The following NUP85 variants were observed in gnomAD, a reference collection of about 807,000 sequenced individuals.
NUP85 encodes nuclear pore complex protein Nup85.
NUP85 carries 23 observed loss-of-function variants against 92.8 expected under a neutral mutation model. The observed-to-expected ratio is 0.25, with a 90% CI of 0.18 to 0.35. The LOEUF (loss-of-function observed/expected upper bound fraction) is 0.35. Among genes scored for constraint, NUP85 ranks in the 10% least tolerant of loss-of-function variants. The pLI, the probability that NUP85 is intolerant of heterozygous loss-of-function variation, is 1.00. For missense variants in NUP85, 759 were observed against 822.8 expected, an observed-to-expected ratio of 0.92 and a Z score of 0.95; for synonymous variants, 314 against 306.9, an observed-to-expected ratio of 1.02 and a Z score of -0.24.
rs749732500 is a variant in NUP85 at position 75,205,782 on chromosome 17, G to A, written c.21G>A (p.Glu7=). 14 of 1,614,080 alleles carry A rather than the reference G, an allele frequency of 8.7e-6. No homozygotes were observed. The highest frequency in any genetic ancestry group is 4.0e-5 in the African/African-American group (3 of 74,938). Reference sequence around the variant, plus strand: ...GCGCTATGGAGGAGCTCGATGGCGAGCCAACAGTCACTGTAAGGGTACCCC... The same window carrying A: ...GCGCTATGGAGGAGCTCGATGGCGAACCAACAGTCACTGTAAGGGTACCCC... MEELDG[E]PTVTLIPGVN... The change falls in exon 1 of 19, where the codon GAG becomes GAA. Residue 7 remains glutamate (E), a synonymous_variant. Coordinates refer to ENST00000245544, the MANE Select transcript of NUP85 (RefSeq NM_024844.5).
At chr17:75,233,437 C>CTTTTTTTTTTTT (rs60396796) in intron 16 of NUP85, among the ~76,000 whole-genome samples, 1 of 117,186 alleles carries the variant, frequency 8.5e-6, no homozygotes, top group Non-Finnish European at 1.7e-5. Flanking sequence ...TTTATTTTTT[C>CTTTTTTTTTTTT]TTTTTTTTTT....
intron 1 of NUP85, among the ~76,000 whole-genome samples, chr17:75,207,220 G>T (rs2075111991): frequency 6.6e-6 from 1 of 150,868 alleles, no homozygotes; most frequent in Admixed American, 6.6e-5. Context: ...TTTCCCTCTT[G>T]TCGCCCAGGC....
At chr17:75,227,326 GTTTTTTTTTTTTTTTT>G (rs71159460) in intron 11 of NUP85, among the ~76,000 whole-genome samples, 1 of 114,152 alleles carries the variant, frequency 8.8e-6, no homozygotes, top group Non-Finnish European at 1.7e-5. Flanking sequence ...TTGTTTCTGG[GTTTTTTTTTTTTTTTT>G]TTTTTTTTTT....
chr17:75,227,373 T>G (rs2075852890), intron 11 of NUP85, among the ~76,000 whole-genome samples: 4 of 139,954 alleles, frequency 2.9e-5, no homozygotes, highest in Admixed American at 7.8e-5. Context: ...TTTGCTCTTG[T>G]CACCCAGACT....
chr17:75,210,922 C>T (rs749704265), intron 3 of NUP85, among the ~76,000 whole-genome samples: 263 of 151,158 alleles, frequency 1.7e-3, no homozygotes, highest in Non-Finnish European at 3.0e-3. Flanking sequence ...AGGATGGTCT[C>T]GATCTCGTGA....
intron 7 of NUP85, among the ~76,000 whole-genome samples, chr17:75,222,133 G>A (rs1052139888): frequency 2.6e-5 from 4 of 151,846 alleles, no homozygotes; most frequent in Admixed American, 1.3e-4. Context: ...AGCCTTGACC[G>A]CCTAAGCTCA....
In NUP85 at chr17:75,208,802, G is replaced by A. The variant is rs544079262; in HGVS notation, c.127+182G>A. Among the ~76,000 whole-genome samples the A allele has an allele frequency of 2.9e-4, 44 of 152,204 alleles. No individual in the cohort carries two copies. In the South Asian group the frequency reaches 6.6e-3, roughly 23 times the overall value. On this transcript the variant is annotated intron_variant, in intron 2 of 18. Coordinates refer to ENST00000245544, the MANE Select transcript of NUP85 (RefSeq NM_024844.5). ...GTTGTGTCACCTGGGCTGGAGTACA[G>A]TGTGATCATGGCTCACTGCAGCCTC...
In NUP85 at chr17:75,232,804, T is replaced by G. The variant is rs779409141; in HGVS notation, c.1397-47T>G. ...GTCCCCACAGGGCTCAGGAATGGAG[T>G]GATTTGTGGAGTGAAAGCCGTTTAC... On this transcript the variant is annotated intron_variant, in intron 14 of 18. Coordinates refer to ENST00000245544, the MANE Select transcript of NUP85 (RefSeq NM_024844.5). 2.6e-6 allele frequency: 4 copies of G among 1,540,534 alleles called. No individual in the cohort carries two copies. In the African/African-American group the frequency reaches 5.5e-5, roughly 21 times the overall value.
In NUP85 at chr17:75,231,100, T is replaced by G; in HGVS notation, c.1095-240T>G. 2.1e-6 allele frequency: 1 copy of G among 475,316 alleles called. No individual in the cohort carries two copies. The highest frequency in any genetic ancestry group is 3.9e-6 in the Non-Finnish European group (1 of 257,672). The allele number at this position is 475,316 out of a possible 1,614,324, so 29.4% of individuals were successfully genotyped here. A position where few individuals can be genotyped will look rare whatever the true frequency, so the allele number is the denominator to read the frequency against. On this transcript the variant is annotated intron_variant, in intron 11 of 18. Coordinates refer to ENST00000245544, the MANE Select transcript of NUP85 (RefSeq NM_024844.5). This position sits in a 1 kb window ranked among gnomAD's most constrained non-coding sequence, Gnocchi z 4.6. The stretch of plus-strand genomic sequence containing the variant: ...GTGTGTGCCACCATGCCTGGCTAAT[T>G]TTTGTATTTGTAGAGATGGGGTTTT...
Position 75,225,157 on chromosome 17 carries a change from A to T in NUP85, c.652A>T (p.Lys218Ter). The part of the protein sequence containing the change: ...RLDEARQMLS[K>*]EADASPASAG... ...GGATGAGGCCCGACAGATGCTCTCCAAGGAAGCCGATGCCAGCCCCGCCTC... is the reference window on the plus strand; with the variant it reads ...GGATGAGGCCCGACAGATGCTCTCCTAGGAAGCCGATGCCAGCCCCGCCTC... Residue 218 changes from lysine to a stop codon, truncating the protein, a stop_gained, in exon 8 of 19, where the codon AAG becomes TAG. Coordinates refer to ENST00000245544, the MANE Select transcript of NUP85 (RefSeq NM_024844.5). LOFTEE classifies it high-confidence loss of function. The T allele has an allele frequency of 6.2e-7, 1 of 1,604,002 alleles. No individual in the cohort carries two copies.
Position 75,231,840 on chromosome 17 carries a change from G to T in NUP85, c.1257G>T (p.Leu419=). 6.2e-7 allele frequency: 1 copy of T among 1,614,056 alleles called. No homozygotes were observed. The highest frequency in any genetic ancestry group is 8.5e-7 in the Non-Finnish European group (1 of 1,179,982). The change falls in exon 14 of 19, where the codon CTG becomes CTT. Residue 419 remains leucine, a synonymous_variant. Transcript: ENST00000245544. This position sits in a 1 kb window ranked among gnomAD's most constrained non-coding sequence, Gnocchi z 4.6. Reference sequence around the variant, plus strand: ...CGAACCTTTGCAGCCTGTGGCAGCTGGGGGTCGATTACTTTGATTACTGCC... The same window carrying T: ...CGAACCTTTGCAGCCTGTGGCAGCTTGGGGTCGATTACTTTGATTACTGCC... ...GLFAHPSLWQ[L]GVDYFDYCPE...
Position 75,218,302 on chromosome 17 carries a change from A to G in NUP85, c.593A>G (p.Asn198Ser). Reference protein sequence around the residue: ...ENPSKHDSFWNLVTILVLQGR... With the variant: ...ENPSKHDSFWSLVTILVLQGR... ...CCAAGCAAACATGACAGCTTCTGGA[A>G]CTTGGTAAGACAGGCCGGGCCCCCA... Residue 198 changes from asparagine to serine, a missense_variant, in exon 7 of 19, where the codon AAC (asparagine) becomes AGC (serine). By Grantham distance (46) the Asn-to-Ser change is conservative (BLOSUM62 1). Coordinates refer to ENST00000245544, the MANE Select transcript of NUP85 (RefSeq NM_024844.5). The G allele has an allele frequency of 6.2e-7, 1 of 1,613,254 alleles. No homozygotes were observed. The highest frequency in any genetic ancestry group is 8.5e-7 in the Non-Finnish European group (1 of 1,179,506).
At position 75,231,433 on chromosome 17, in the gene NUP85, C is replaced by T. The variant is rs375572023; in HGVS notation, c.1178+10C>T. ...AGTCACACAACCTCTAGTAAGTGGC[C>T]GGGAGGCACCGATCCTCCTCTTCTT... is the stretch of plus-strand genomic sequence containing the variant. On this transcript the variant is annotated intron_variant, in intron 12 of 18. Transcript: ENST00000245544. This position sits in a 1 kb window ranked among gnomAD's most constrained non-coding sequence, Gnocchi z 4.6. 52 of 1,613,810 alleles carry T rather than the reference C, an allele frequency of 3.2e-5. No individual in the cohort carries two copies. In the African/African-American group the frequency reaches 4.1e-4, roughly 13 times the overall value.
intron 7 of NUP85, among the ~76,000 whole-genome samples, chr17:75,221,584 C>T (rs2075600288): frequency 6.6e-6 from 1 of 152,184 alleles, no homozygotes; most frequent in Non-Finnish European, 1.5e-5. Flanking sequence ...TAAGGGTCCT[C>T]ATCTGTCCAG....
At chr17:75,208,375 G>T (rs1429161918) in intron 1 of NUP85, 152 bp from the exon 2 acceptor site, 10 of 635,276 alleles carry the variant, frequency 1.6e-5, no homozygotes, top group Non-Finnish European at 5.6e-6. Context: ...AACCCAGGAG[G>T]CGGCGATTGG....
At chr17:75,207,931 A>G (rs990526752) in intron 1 of NUP85, among the ~76,000 whole-genome samples, 2 of 151,950 alleles carry the variant, frequency 1.3e-5, no homozygotes, top group African/African-American at 4.8e-5. Context: ...CAGAGGTTGC[A>G]GTGAGTCGAG....
chr17:75,235,725 T>C lies in NUP85; in HGVS notation c.*46T>C. On this transcript the variant is annotated 3_prime_UTR_variant, in exon 19 of 19. Coordinates refer to ENST00000245544, the MANE Select transcript of NUP85 (RefSeq NM_024844.5). ...CTTTGTATGGCAATGTATATAGATT[T>C]TTTTAAAAGAATAAATGTTGTTTTG... The C allele has an allele frequency of 1.5e-6, 2 of 1,372,246 alleles. No individual in the cohort carries two copies. Among genetic ancestry groups the C allele is most frequent in the Non-Finnish European group, 2.1e-6 (2 of 970,396 alleles). 85.0% of individuals were successfully genotyped at this position (1,372,246 alleles called of 1,614,324 possible). A position where few individuals can be genotyped will look rare whatever the true frequency, so the allele number is the denominator to read the frequency against.
intron 9 of NUP85, 88 bp downstream of exon 9, chr17:75,225,552 C>A: frequency 6.3e-7 from 1 of 1,577,414 alleles, no homozygotes; most frequent in East Asian, 2.2e-5. Context: ...CTTGGTCCTC[C>A]TTGGATAGGG....
chr17:75,232,730 G>A, intron 14 of NUP85, 121 bp from the exon 15 acceptor site: 1 of 834,688 alleles, frequency 1.2e-6, no homozygotes, highest in South Asian at 1.4e-5. Context: ...GCTGCATTTA[G>A]AGCCCAAAGA....
Sources: gnomAD v4.1 joint callset for allele counts (sites outside exome capture counted in the v4.1 genomes callset) on GRCh38, gnomAD v4.1.1 for gene constraint, Gnocchi (gnomAD v3.1) non-coding constraint, MANE v1.5 for transcripts, NCBI Gene and HGNC (gene_info 2026-07-23, HGNC 2026-07-21) for gene names.